OR2L13: variants seen among roughly 807,000 people sequenced by gnomAD.
OR2L13 encodes olfactory receptor family 2 subfamily L member 13, also known as olfactory receptor 2L13.
In OR2L13, 14 loss-of-function variants were observed where a neutral mutation model predicts 15.3. That is an observed-to-expected ratio of 0.91 (90% confidence interval 0.60 to 1.43). OR2L13 has a LOEUF of 1.43. OR2L13 is among the 40% of genes most tolerant of loss of function. The pLI, the probability that OR2L13 is intolerant of heterozygous loss-of-function variation, is 0.00. For missense variants in OR2L13, 367 were observed against 387.9 expected (o/e 0.95, Z 0.45); for synonymous variants, 152 against 142.9 (o/e 1.06, Z -0.45).
At chr1:248,030,353 G>A in the OR2L13 span, 2 of 152,174 alleles carry the variant, frequency 1.3e-5, no homozygotes, top group Non-Finnish European at 1.5e-5. Flanking sequence ...CAGCACTAAT[G>A]ACTGTACTTT....
chr1:248,093,218 G>A (rs1664641594), upstream of OR2L13, among the ~76,000 whole-genome samples: 1 of 152,144 alleles, frequency 6.6e-6, no homozygotes, highest in Admixed American at 6.5e-5. Flanking sequence ...AGCAGGAGGA[G>A]GCATGGATCA....
upstream of OR2L13, among the ~76,000 whole-genome samples, chr1:248,093,755 G>A (rs749215095): frequency 1.3e-5 from 2 of 151,838 alleles, no homozygotes; most frequent in Non-Finnish European, 2.9e-5. Context: ...TTTTTTTATG[G>A]TTGAATAGTG....
chr1:248,053,135 GTGT>G, the OR2L13 span, among the ~76,000 whole-genome samples: 3 of 152,070 alleles, frequency 2.0e-5, no homozygotes, highest in Non-Finnish European at 2.9e-5. Flanking sequence ...GCCCCAGTAA[GTGT>G]TGTTCTCTTC....
the OR2L13 span, among the ~76,000 whole-genome samples, chr1:247,962,340 A>G: frequency 6.6e-6 from 1 of 152,194 alleles, no homozygotes; most frequent in South Asian, 2.1e-4. Context: ...AGACTATTGA[A>G]AGTAAATTAA....
chr1:248,038,187 G>T, the OR2L13 span: 1 of 995,930 alleles, frequency 1.0e-6, no homozygotes, highest in African/African-American at 1.6e-5. Context: ...GTCTTGTAAT[G>T]CAGCCACTGT....
At chr1:248,065,874 G>T in the OR2L13 span, among the ~76,000 whole-genome samples, 4 of 151,942 alleles carry the variant, frequency 2.6e-5, no homozygotes, top group African/African-American at 9.7e-5. Flanking sequence ...TGGAGAAAAA[G>T]GTTATCTCAC....
At chr1:247,999,791 C>G in the OR2L13 span, among the ~76,000 whole-genome samples, 56 of 152,184 alleles carry the variant, frequency 3.7e-4, no homozygotes, top group Non-Finnish European at 7.5e-4. Flanking sequence ...GTACAGACAG[C>G]TTGTTTTAAG....
the OR2L13 span, among the ~76,000 whole-genome samples, chr1:248,059,449 G>C: frequency 6.6e-6 from 1 of 152,150 alleles, no homozygotes; most frequent in Non-Finnish European, 1.5e-5. Flanking sequence ...CTAAGCACTA[G>C]AGAAGGAAAA....
chr1:248,006,514 A>G, the OR2L13 span, among the ~76,000 whole-genome samples: 3 of 152,104 alleles, frequency 2.0e-5, no homozygotes, highest in African/African-American at 4.8e-5. Flanking sequence ...TAGGTCCATG[A>G]AACCAATCCC....
chr1:248,070,817 A>G, the OR2L13 span, among the ~76,000 whole-genome samples: 1 of 151,970 alleles, frequency 6.6e-6, no homozygotes, highest in East Asian at 1.9e-4. Flanking sequence ...CCACAGAAAT[A>G]CAAACTATCA....
At chr1:248,003,397 G>T in the OR2L13 span, 7 of 1,609,960 alleles carry the variant, frequency 4.3e-6, no homozygotes, top group Admixed American at 8.3e-5. Context: ...ATGGAAACAA[G>T]TCTATCTCCT....
the OR2L13 span, among the ~76,000 whole-genome samples, chr1:248,088,608 C>A: frequency 6.6e-6 from 1 of 152,124 alleles, no homozygotes; most frequent in Non-Finnish European, 1.5e-5. Flanking sequence ...ACAATCCCTG[C>A]AAGGCAGAGT....
At chr1:248,075,684 A>T in the OR2L13 span, among the ~76,000 whole-genome samples, 1 of 152,134 alleles carries the variant, frequency 6.6e-6, no homozygotes, top group African/African-American at 2.4e-5. Context: ...TCCTTTGCCC[A>T]ATTTTTGATG....
At chr1:248,019,679 T>TATAGG in the OR2L13 span, among the ~76,000 whole-genome samples, 9 of 152,170 alleles carry the variant, frequency 5.9e-5, no homozygotes, top group African/African-American at 1.9e-4. Flanking sequence ...TATTGCTGTT[T>TATAGG]ATAGGAGAGT....
chr1:248,009,046 A>G, the OR2L13 span, among the ~76,000 whole-genome samples: 1 of 152,222 alleles, frequency 6.6e-6, no homozygotes, highest in African/African-American at 2.4e-5. Flanking sequence ...CAGTGGTTAG[A>G]GGAAAATTTA....
At chr1:247,969,470 C>T in the OR2L13 span, among the ~76,000 whole-genome samples, 1 of 152,154 alleles carries the variant, frequency 6.6e-6, no homozygotes, top group South Asian at 2.1e-4. Context: ...CTAGCTCTTT[C>T]TTGACACATT....
chr1:247,946,555 A>G, the OR2L13 span, among the ~76,000 whole-genome samples: 1 of 152,226 alleles, frequency 6.6e-6, no homozygotes, highest in Non-Finnish European at 1.5e-5. Context: ...TGTTAGAAAC[A>G]TAACAAACTC....
At chr1:247,966,287 T>A in the OR2L13 span, 2 of 1,613,806 alleles carry the variant, frequency 1.2e-6, no homozygotes, top group South Asian at 2.2e-5. Flanking sequence ...GTGAGGAGAC[T>A]GTTGGGATAT....
At chr1:248,003,561 T>C in the OR2L13 span, 5 of 1,612,582 alleles carry the variant, frequency 3.1e-6, no homozygotes, top group Non-Finnish European at 4.2e-6. Flanking sequence ...GTGCTGATGA[T>C]AACAGGATCT....
Sources: gnomAD v4.1 joint callset for allele counts (sites outside exome capture counted in the v4.1 genomes callset) on GRCh38, gnomAD v4.1.1 for gene constraint, MANE v1.5 for transcripts, NCBI Gene and HGNC (gene_info 2026-07-23, HGNC 2026-07-21) for gene names.